BICD1: variants seen among roughly 807,000 people sequenced by gnomAD.
The protein encoded by BICD1 is BICD cargo adaptor 1, also known as protein bicaudal D homolog 1.
A neutral mutation model predicts 92.5 loss-of-function variants in BICD1; 35 were observed. The ratio of observed to expected loss-of-function variants is 0.38; its 90% confidence interval spans 0.29 to 0.50. The LOEUF is 0.50. Among genes scored for constraint, BICD1 ranks in the 20% least tolerant of loss-of-function variants. The probability of loss-of-function intolerance (pLI) is 0.93; values close to 1 mark genes in which losing one functional copy is unlikely to be tolerated. For missense variants in BICD1, 950 were observed against 1,189.8 expected (o/e 0.80, Z 2.97); for synonymous variants, 429 against 465.1 (o/e 0.92, Z 1.00).
chr12:32,342,227 T>C (rs1938407745), intron 8 of BICD1, among the ~76,000 whole-genome samples: 1 of 145,612 alleles, frequency 6.9e-6, no homozygotes, highest in Non-Finnish European at 1.5e-5. Flanking sequence ...TATATATATA[T>C]ATATATGTAT....
intron 2 of BICD1, among the ~76,000 whole-genome samples, chr12:32,273,609 A>G (rs534183077): frequency 2.6e-4 from 40 of 152,248 alleles, no homozygotes; most frequent in Non-Finnish European, 5.1e-4. Flanking sequence ...TCTAAATTTC[A>G]GTAATAATGA....
intron 1 of BICD1, among the ~76,000 whole-genome samples, chr12:32,174,223 T>TC (rs1446171340): frequency 6.6e-6 from 1 of 152,236 alleles, no homozygotes; most frequent in African/African-American, 2.4e-5. Flanking sequence ...CAGATGTATC[T>TC]GTTTTTTCCT....
chr12:32,159,026 C>T (rs979182434), intron 1 of BICD1, among the ~76,000 whole-genome samples: 3 of 152,124 alleles, frequency 2.0e-5, no homozygotes, highest in Non-Finnish European at 2.9e-5. Flanking sequence ...CTCCGCTTCC[C>T]GGGTTCAGGC....
intron 1 of BICD1, among the ~76,000 whole-genome samples, chr12:32,167,419 G>T (rs1943799493): frequency 6.6e-6 from 1 of 152,018 alleles, no homozygotes. Context: ...TTTTCTATGA[G>T]CACATAGCAA....
At chr12:32,238,899 G>A (rs7137554) in intron 2 of BICD1, among the ~76,000 whole-genome samples, 10,734 of 139,538 alleles carry the variant, frequency 0.077, 1,345 homozygotes, top group African/African-American at 0.26. Context: ...AGCCGAGATC[G>A]CGCCATTGCA....
At chr12:32,120,862 A>G (rs1565528941) in intron 1 of BICD1, among the ~76,000 whole-genome samples, 1 of 112,940 alleles carries the variant, frequency 8.9e-6, no homozygotes, top group Non-Finnish European at 1.8e-5. Context: ...AGGAAAATCA[A>G]CCATTAGAGA....
chr12:32,286,117 C>T (rs1199170139), intron 2 of BICD1, among the ~76,000 whole-genome samples: 1 of 152,078 alleles, frequency 6.6e-6, no homozygotes. Flanking sequence ...AGTTATTTTA[C>T]GAGTTGTTAG....
rs76055404 is a variant in BICD1 at position 32,188,717 on chromosome 12, C to A, written c.214-27530C>A. Among the ~76,000 whole-genome samples the A allele has an allele frequency of 4.9e-4, 74 of 151,550 alleles. 3 individuals are homozygous for A. The East Asian group carries it at 6.2e-3, about 13-fold the overall frequency. On this transcript the variant is annotated intron_variant, in intron 1 of 9. Coordinates refer to ENST00000652176, the MANE Select transcript of BICD1 (RefSeq NM_001714.4). ...AATTCTTAACTTAGTGTTTTTGGCA[C>A]TGAATCTTGAATTCCTTTTTTTTTT...
At chr12:32,255,386 T>A (rs2065594331) in intron 2 of BICD1, among the ~76,000 whole-genome samples, 1 of 152,164 alleles carries the variant, frequency 6.6e-6, no homozygotes, top group African/African-American at 2.4e-5. Context: ...ACAGCCACCA[T>A]GTGCCAGTCA....
chr12:32,375,854 A>G (rs1939933935), intron 9 of BICD1, among the ~76,000 whole-genome samples: 1 of 152,182 alleles, frequency 6.6e-6, no homozygotes, highest in African/African-American at 2.4e-5. Context: ...ACTCCATTAC[A>G]TTTTAAACTC....
intron 4 of BICD1, among the ~76,000 whole-genome samples, chr12:32,315,453 C>G (rs545106990): frequency 1.3e-5 from 2 of 152,216 alleles, no homozygotes; most frequent in South Asian, 2.1e-4. Context: ...ATTCTAGGTC[C>G]TTTGCCTTTC....
chr12:32,347,582 G>A (rs1331149288), intron 8 of BICD1, among the ~76,000 whole-genome samples: 1 of 151,274 alleles, frequency 6.6e-6, no homozygotes, highest in East Asian at 2.0e-4. Flanking sequence ...AGGTTGCAGT[G>A]AGCTGAGATC....
chr12:32,235,704 T>TTA (rs1465688788), intron 2 of BICD1, among the ~76,000 whole-genome samples: 1 of 113,152 alleles, frequency 8.8e-6, no homozygotes, highest in African/African-American at 4.6e-5. Context: ...TTTCTTTTCT[T>TTA]TTTTTTTTTT....
At chr12:32,168,285 G>A (rs1265015145) in intron 1 of BICD1, among the ~76,000 whole-genome samples, 2 of 152,124 alleles carry the variant, frequency 1.3e-5, no homozygotes, top group Non-Finnish European at 2.9e-5. Flanking sequence ...AATTACACTG[G>A]ATTGTGTTCT....
intron 1 of BICD1, among the ~76,000 whole-genome samples, chr12:32,176,334 G>A (rs990716384): frequency 6.6e-6 from 1 of 151,844 alleles, no homozygotes; most frequent in African/African-American, 2.4e-5. Flanking sequence ...ATTTCTAGCA[G>A]TAATGTATGA....
intron 9 of BICD1, among the ~76,000 whole-genome samples, chr12:32,375,044 G>A (rs1939891930): frequency 6.7e-6 from 1 of 149,308 alleles, no homozygotes; most frequent in Non-Finnish European, 1.5e-5. Flanking sequence ...TCAGCCTCCG[G>A]AGTAGCTGGG....
At chr12:32,125,139 C>A (rs1318272178) in intron 1 of BICD1, among the ~76,000 whole-genome samples, 1 of 137,198 alleles carries the variant, frequency 7.3e-6, no homozygotes, top group Non-Finnish European at 1.6e-5. Flanking sequence ...TTTGGGCACC[C>A]ACTGTCCTCT....
intron 2 of BICD1, among the ~76,000 whole-genome samples, chr12:32,254,661 G>A (rs1047160408): frequency 3.9e-5 from 6 of 152,138 alleles, no homozygotes; most frequent in Non-Finnish European, 7.4e-5. Flanking sequence ...TGGGACAGTC[G>A]CATCATCTGC....
At chr12:32,206,131 C>T (rs189824129) in intron 1 of BICD1, among the ~76,000 whole-genome samples, 82 of 152,260 alleles carry the variant, frequency 5.4e-4, no homozygotes, top group Non-Finnish European at 1.0e-3. Context: ...GAAATGTTTG[C>T]ATTTTGGCTG....
Sources: gnomAD v4.1 joint callset for allele counts (sites outside exome capture counted in the v4.1 genomes callset) on GRCh38, gnomAD v4.1.1 for gene constraint, MANE v1.5 for transcripts, NCBI Gene and HGNC (gene_info 2026-07-23, HGNC 2026-07-21) for gene names.